The following PRKCE variants were observed in gnomAD, a reference collection of about 807,000 sequenced individuals.
PRKCE encodes the protein protein kinase C epsilon.
A neutral mutation model predicts 85.4 loss-of-function variants in PRKCE; 16 were observed. That is an observed-to-expected ratio of 0.19 (90% confidence interval 0.13 to 0.28). The LOEUF (loss-of-function observed/expected upper bound fraction) is 0.28, where lower values mean the gene tolerates loss of function less well. Ranked by LOEUF, PRKCE falls within the 10% of genes least tolerant of loss-of-function variation. The pLI is 1.00. For synonymous variants in PRKCE, 388 were observed against 371.5 expected (o/e 1.04, Z -0.51); for missense variants, 573 against 975.2 (o/e 0.59, Z 5.49).
intron 10 of PRKCE, among the ~76,000 whole-genome samples, chr2:46,056,514 C>G (rs1666597840): frequency 6.6e-6 from 1 of 152,158 alleles, no homozygotes; most frequent in Non-Finnish European, 1.5e-5. Context: ...ATCCTTTCAT[C>G]TTTTCTTTCT....
intron 2 of PRKCE, among the ~76,000 whole-genome samples, chr2:45,965,133 C>G (rs1481774462): frequency 3.9e-5 from 6 of 152,326 alleles, no homozygotes; most frequent in Admixed American, 3.3e-4. Flanking sequence ...TGGGAAGATA[C>G]AGATAGCATC....
rs117724494 is a variant in PRKCE at position 45,727,275 on chromosome 2, G to A, written c.348+74827G>A. 3.1e-3 allele frequency among the ~76,000 whole-genome samples: 479 copies of A among 152,312 alleles called. 1 individual carries two copies. The highest frequency in any genetic ancestry group is 0.024 in the East Asian group (122 of 5,180). ...CATAAACCAAATACATGGTGATAAG[G>A]GAGATACAGTAAGATCTTTTGGAAG... On this transcript the variant is annotated intron_variant, in intron 1 of 14. Transcript: ENST00000306156.
At chr2:45,683,774 G>A (rs1347312082) in intron 1 of PRKCE, among the ~76,000 whole-genome samples, 2 of 152,216 alleles carry the variant, frequency 1.3e-5, no homozygotes, top group Non-Finnish European at 2.9e-5. Context: ...AGTCTTGTGT[G>A]CTCCGTCCTC....
At chr2:46,143,207 G>A (rs111779286) in intron 11 of PRKCE, among the ~76,000 whole-genome samples, 8 of 152,156 alleles carry the variant, frequency 5.3e-5, no homozygotes, top group African/African-American at 9.7e-5. Context: ...AGTGCTGAGC[G>A]TGGATCATGA....
At chr2:45,937,271 G>A (rs933693057) in intron 2 of PRKCE, among the ~76,000 whole-genome samples, 3 of 152,242 alleles carry the variant, frequency 2.0e-5, no homozygotes, top group Non-Finnish European at 4.4e-5. Context: ...GGCCATAGCT[G>A]TGTCCCTTGG....
At chr2:46,088,276 TC>T (rs1465623299) in intron 11 of PRKCE, among the ~76,000 whole-genome samples, 1 of 152,166 alleles carries the variant, frequency 6.6e-6, no homozygotes, top group Non-Finnish European at 1.5e-5. Flanking sequence ...TCTTAGCTTT[TC>T]TCAAACTCAC....
chr2:45,992,902 C>A (rs1349311802), intron 6 of PRKCE, among the ~76,000 whole-genome samples: 1 of 151,956 alleles, frequency 6.6e-6, no homozygotes, highest in Non-Finnish European at 1.5e-5. Flanking sequence ...CCACCCAGCA[C>A]ATAGTAGGTC....
At chr2:45,995,418 T>G (rs1490271959) in intron 6 of PRKCE, among the ~76,000 whole-genome samples, 7 of 152,194 alleles carry the variant, frequency 4.6e-5, no homozygotes, top group Non-Finnish European at 1.0e-4. Context: ...TCAAGAAAGT[T>G]ATCTGTGTAG....
chr2:45,709,148 G>T (rs1160297005), intron 1 of PRKCE, among the ~76,000 whole-genome samples: 1 of 152,214 alleles, frequency 6.6e-6, no homozygotes, highest in Non-Finnish European at 1.5e-5. Context: ...AGAGTAGGAG[G>T]TGAAGACCCC....
At chr2:45,656,890 T>C (rs190588247) in intron 1 of PRKCE, among the ~76,000 whole-genome samples, 1 of 152,248 alleles carries the variant, frequency 6.6e-6, no homozygotes, top group South Asian at 2.1e-4. Context: ...TGTATAACTT[T>C]ATAATTTTTA....
chr2:46,121,340 A>G (rs543322032), intron 11 of PRKCE, among the ~76,000 whole-genome samples: 1 of 152,212 alleles, frequency 6.6e-6, no homozygotes, highest in Non-Finnish European at 1.5e-5. Flanking sequence ...TCTTGGGGCC[A>G]GACTGCCTTG....
At chr2:45,826,150 C>G (rs540178513) in intron 1 of PRKCE, among the ~76,000 whole-genome samples, 1 of 152,296 alleles carries the variant, frequency 6.6e-6, no homozygotes, top group East Asian at 1.9e-4. Context: ...TCCTCACCCT[C>G]CTGGTCTCAA....
In PRKCE at chr2:45,988,302, G is replaced by A. The variant is rs184325785; in HGVS notation, c.823+3622G>A. ...AGGTTTCTTCAGAGCTTGGGTCTACGAGGAGGGATCCATGAGACTGTCCTG... is the reference window on the plus strand; with the variant it reads ...AGGTTTCTTCAGAGCTTGGGTCTACAAGGAGGGATCCATGAGACTGTCCTG... On this transcript the variant is annotated intron_variant, in intron 6 of 14. Coordinates refer to ENST00000306156, the MANE Select transcript of PRKCE (RefSeq NM_005400.3). Among the ~76,000 whole-genome samples the A allele has an allele frequency of 2.3e-4, 35 of 152,320 alleles. No individual in the cohort carries two copies. The East Asian group carries it at 4.4e-3, about 19-fold the overall frequency.
intron 1 of PRKCE, among the ~76,000 whole-genome samples, chr2:45,666,436 C>A (rs776333602): frequency 6.6e-6 from 1 of 151,778 alleles, no homozygotes. Context: ...TGCACCTCCC[C>A]GGCTTCCATT....
intron 11 of PRKCE, among the ~76,000 whole-genome samples, chr2:46,123,214 C>CTT (rs70937991): frequency 0.017 from 473 of 27,346 alleles, 153 homozygotes; most frequent in African/African-American, 0.049. Flanking sequence ...AAACACTTGC[C>CTT]TTTTTTTTTT....
At chr2:46,006,046 T>C (rs1353548524) in intron 8 of PRKCE, among the ~76,000 whole-genome samples, 1 of 152,156 alleles carries the variant, frequency 6.6e-6, no homozygotes, top group Non-Finnish European at 1.5e-5. Context: ...AGCTCTGCCA[T>C]TGGATGGATA....
intron 10 of PRKCE, among the ~76,000 whole-genome samples, chr2:46,044,218 T>C (rs1156276749): frequency 6.6e-6 from 1 of 152,266 alleles, no homozygotes; most frequent in Non-Finnish European, 1.5e-5. Context: ...GAATGTTTGT[T>C]GAATGAATGA....
intron 1 of PRKCE, among the ~76,000 whole-genome samples, chr2:45,832,183 C>T (rs1002169547): frequency 3.9e-5 from 6 of 152,306 alleles, no homozygotes; most frequent in African/African-American, 9.6e-5. Context: ...GGGCATCCTG[C>T]GTCACATTTG....
intron 6 of PRKCE, among the ~76,000 whole-genome samples, chr2:45,997,248 T>C (rs80328654): frequency 0.032 from 4,943 of 152,228 alleles, 117 homozygotes; most frequent in African/African-American, 0.067. Context: ...AGTCTATTGC[T>C]CTTTACAAAG....
Sources: allele counts gnomAD v4.1 joint callset (sites outside exome capture counted in the v4.1 genomes callset), GRCh38; gene constraint gnomAD v4.1.1; transcripts MANE v1.5; gene names NCBI Gene and HGNC (gene_info 2026-07-23, HGNC 2026-07-21).